The following UBTF variants were observed in gnomAD, a reference collection of about 807,000 sequenced individuals.
UBTF encodes the protein nucleolar transcription factor 1.
A neutral mutation model predicts 112.3 loss-of-function variants in UBTF; 8 were observed. That is an observed-to-expected ratio of 0.07 (90% CI 0.04 to 0.13). The LOEUF is 0.13. UBTF is among the 10% of genes least tolerant of loss of function. The pLI is 1.00. For synonymous variants in UBTF, 417 were observed against 373.1 expected, an observed-to-expected ratio of 1.12 and a Z score of -1.36; for missense variants, 457 against 982.1, an observed-to-expected ratio of 0.47 and a Z score of 7.15.
rs1403681994 is a variant in UBTF at position 44,205,080 on chromosome 17, C to A, written c.*2162G>T. On this transcript the variant is annotated 3_prime_UTR_variant, in exon 21 of 21. Transcript: ENST00000436088. ...ATTATACAAAAAAGGGAAAACAAAACTTCCACAGTTGGCTTTAAGCATAGG... is the reference window on the plus strand; with the variant it reads ...ATTATACAAAAAAGGGAAAACAAAAATTCCACAGTTGGCTTTAAGCATAGG... 3 of 152,666 alleles carry A rather than the reference C, an allele frequency of 2.0e-5. No homozygotes were observed. The highest frequency in any genetic ancestry group is 7.2e-5 in the African/African-American group (3 of 41,454). 9.5% of individuals were successfully genotyped at this position (152,666 alleles called of 1,614,324 possible). A position where few individuals can be genotyped will look rare whatever the true frequency, so the allele number is the denominator to read the frequency against.
rs57107684 is a variant in UBTF at position 44,208,092 on chromosome 17, A to ATTTTTT, written c.1906-187_1906-182dup. Reference sequence around the variant, plus strand: ...CCTGGGATCTGAGAACACAGCTCTAATTTTTTTTTTTTTTTTTTTTTTTTT... The same window carrying ATTTTTT: ...CCTGGGATCTGAGAACACAGCTCTAATTTTTTTTTTTTTTTTTTTTTTTTTTTTTTT... On this transcript the variant is annotated intron_variant, in intron 17 of 20. Coordinates refer to ENST00000436088, the MANE Select transcript of UBTF (RefSeq NM_014233.4). 3.1e-4 allele frequency among the ~76,000 whole-genome samples: 36 copies of ATTTTTT among 118,004 alleles called. 1 individual carries two copies. Among genetic ancestry groups the ATTTTTT allele is most frequent in the Non-Finnish European group, 5.6e-4 (32 of 57,268 alleles). The allele number at this position is 118,004 out of a possible 152,430, so 77.4% of individuals were successfully genotyped here.
In UBTF at chr17:44,207,857, G is replaced by T. The variant is rs2056362319; in HGVS notation, c.1953+7C>A. The T allele has an allele frequency of 6.2e-7, 1 of 1,613,930 alleles. No homozygotes were observed. The highest frequency in any genetic ancestry group is 8.5e-7 in the Non-Finnish European group (1 of 1,180,012). On this transcript the variant is annotated splice_region_variant and intron_variant, in intron 18 of 20. Transcript: ENST00000436088. ...CTACCCCACTGCTGCTCTGCTCCCA[G>T]ACTCACATTGGAGATGTACTCTTTA...
intron 14 of UBTF, 23 bp from the exon 15 acceptor site, chr17:44,210,257 G>C: frequency 6.2e-7 from 1 of 1,614,244 alleles, no homozygotes; most frequent in Middle Eastern, 1.6e-4. Context: ...AAGGGTATCA[G>C]CCGTGGGAGG....
At chr17:44,217,829 C>G (rs2046923712) in intron 2 of UBTF, among the ~76,000 whole-genome samples, 1 of 152,162 alleles carries the variant, frequency 6.6e-6, no homozygotes, top group South Asian at 2.1e-4. Context: ...AGAAGCCTTC[C>G]CCAACCCCTT....
Position 44,211,227 on chromosome 17 carries a change from C to T in UBTF, c.1089+63G>A. On this transcript the variant is annotated intron_variant, in intron 11 of 20. Coordinates refer to ENST00000436088, the MANE Select transcript of UBTF (RefSeq NM_014233.4). This position sits in a 1 kb window ranked among gnomAD's most constrained non-coding sequence, Gnocchi z 4.9. Reference sequence around the variant, plus strand: ...ATGGTGCCCTATCTCCAGGGGCTCACCAGGGCTCTGCCTGCCAAGTCCCAG... The same window carrying T: ...ATGGTGCCCTATCTCCAGGGGCTCATCAGGGCTCTGCCTGCCAAGTCCCAG... 1.9e-6 allele frequency: 3 copies of T among 1,613,884 alleles called. No homozygotes were observed. The highest frequency in any genetic ancestry group is 2.5e-6 in the Non-Finnish European group (3 of 1,179,870).
At chr17:44,212,281 AC>A in intron 8 of UBTF, 62 bp downstream of exon 8, 1 of 1,420,292 alleles carries the variant, frequency 7.0e-7, no homozygotes, top group Non-Finnish European at 9.9e-7. Context: ...TGCGGTGGCC[AC>A]GGAGTCGGAG....
At chr17:44,218,335 G>C (rs557234258) in intron 1 of UBTF, 39 bp from the exon 2 acceptor site, 5 of 1,288,738 alleles carry the variant, frequency 3.9e-6, no homozygotes, top group Non-Finnish European at 4.4e-6. Context: ...GGAAGGCTGA[G>C]AGGTGAACGA....
Position 44,211,814 on chromosome 17 carries a change from A to C in UBTF, c.905+59T>G, listed in dbSNP as rs1231352472. 4 of 1,601,338 alleles carry C rather than the reference A, an allele frequency of 2.5e-6. No individual in the cohort carries two copies. Among genetic ancestry groups the C allele is most frequent in the Non-Finnish European group, 3.4e-6 (4 of 1,174,956 alleles). On this transcript the variant is annotated intron_variant, in intron 9 of 20. Transcript: ENST00000436088. The surrounding 1 kb of genome is among the most constrained non-coding windows in gnomAD (Gnocchi z 4.9). ...CAGGGCAGCAGGCCTTCTCACCTGC[A>C]GAGCCCAGCCCAACTTCCCAGCTGC...
At chr17:44,220,308 G>T (rs955010917), upstream of UBTF, among the ~76,000 whole-genome samples, 1 of 151,894 alleles carries the variant, frequency 6.6e-6, no homozygotes, top group Non-Finnish European at 1.5e-5. Flanking sequence ...CTGCTCCGGA[G>T]CTCTCCCCCA....
chr17:44,214,343 C>T (rs576849539), intron 5 of UBTF, among the ~76,000 whole-genome samples: 1 of 152,356 alleles, frequency 6.6e-6, no homozygotes, highest in South Asian at 2.1e-4. Context: ...ACCACACAGA[C>T]CTGGCTCACC....
chr17:44,210,968 G>T (rs1398490189), intron 12 of UBTF, 21 bp from the exon 13 acceptor site: 2 of 1,600,888 alleles, frequency 1.2e-6, no homozygotes, highest in East Asian at 2.2e-5. Flanking sequence ...GCAGAGGGTC[G>T]GGGTCCGTGG....
chr17:44,209,873 TC>T, intron 15 of UBTF, 140 bp from the exon 16 acceptor site: 1 of 911,748 alleles, frequency 1.1e-6, no homozygotes, highest in East Asian at 2.6e-5. Context: ...GTGAGCAACT[TC>T]CTAACAGCTC....
chr17:44,214,101 TC>T (rs766139491), intron 5 of UBTF, among the ~76,000 whole-genome samples: 5 of 152,050 alleles, frequency 3.3e-5, no homozygotes, highest in Admixed American at 6.5e-5. Context: ...CTCTCTTGGC[TC>T]CCACACAATG....
intron 5 of UBTF, 58 bp from the exon 6 acceptor site, chr17:44,213,340 T>TA: frequency 6.4e-7 from 1 of 1,567,044 alleles, no homozygotes; most frequent in South Asian, 1.2e-5. Flanking sequence ...CCCTGAGCTA[T>TA]GAAGGCCACC....
chr17:44,211,855 T>A lies in UBTF; in HGVS notation c.905+18A>T. 6.2e-7 allele frequency: 1 copy of A among 1,611,216 alleles called. No homozygotes were observed. The highest frequency in any genetic ancestry group is 8.5e-7 in the Non-Finnish European group (1 of 1,179,238). On this transcript the variant is annotated intron_variant, in intron 9 of 20. Coordinates refer to ENST00000436088, the MANE Select transcript of UBTF (RefSeq NM_014233.4). The surrounding 1 kb of genome is among the most constrained non-coding windows in gnomAD (Gnocchi z 4.9). ...TCCCAGCTGCCCACTCGCCCACCCA[T>A]CCCAGGGCAGCGCTCACGGAGGTGG... is the stretch of plus-strand genomic sequence containing the variant.
At position 44,207,560 on chromosome 17, in the gene UBTF, T is replaced by C. The variant is rs771610122; in HGVS notation, c.2063A>G (p.Glu688Gly). ...EEDDEEDEDD[E>G]DEDEEEEDDE... Reference sequence around the variant, plus strand: ...ATCTTCCTCTTCTTCATCCTCGTCCTCGTCATCCTCATCCTCTTCATCATC... The same window carrying C: ...ATCTTCCTCTTCTTCATCCTCGTCCCCGTCATCCTCATCCTCTTCATCATC... Residue 688 changes from glutamate (E) to glycine (G), a missense_variant, in exon 20 of 21, where the codon GAG becomes GGG. Physicochemically the swap from Glu to Gly is moderately conservative, Grantham distance 98. Around this residue, in one of 7 missense-constraint regions of UBTF, gnomAD observed 139 missense variants for 157.5 expected, o/e 0.88. Transcript: ENST00000436088. The C allele has an allele frequency of 1.2e-6, 2 of 1,614,156 alleles. No homozygotes were observed. The highest frequency in any genetic ancestry group is 1.7e-6 in the Non-Finnish European group (2 of 1,180,016).
In UBTF at chr17:44,211,950, A is replaced by G; in HGVS notation, c.828T>C (p.Gly276=). 1 of 1,612,326 alleles carries G rather than the reference A, an allele frequency of 6.2e-7. No homozygotes were observed. The highest frequency in any genetic ancestry group is 2.2e-5 in the East Asian group (1 of 44,776). ...KHPELNISEE[G]ITKSTLTKAE... ...CCTTGGTGAGGGTGGACTTGGTGAT[A>G]CCCTCCTCACTGATGTTCAGCTCTG... Residue 276 remains glycine, a synonymous_variant, in exon 9 of 21, where the codon GGT becomes GGC. Coordinates refer to ENST00000436088, the MANE Select transcript of UBTF (RefSeq NM_014233.4). The surrounding 1 kb of genome is among the most constrained non-coding windows in gnomAD (Gnocchi z 4.9).
intron 8 of UBTF, 53 bp from the exon 9 acceptor site, chr17:44,212,059 G>T: frequency 6.3e-7 from 1 of 1,577,702 alleles, no homozygotes; most frequent in Non-Finnish European, 8.6e-7. Context: ...GTTAGCTAGG[G>T]CAGGGGCAGG....
chr17:44,216,153 G>A, intron 3 of UBTF, 164 bp from the exon 4 acceptor site: 1 of 661,180 alleles, frequency 1.5e-6, no homozygotes, highest in African/African-American at 1.8e-5. Flanking sequence ...ATGACACCCA[G>A]GCACTGGCCC....
Sources: gnomAD v4.1 joint callset for allele counts (sites outside exome capture counted in the v4.1 genomes callset) on GRCh38, gnomAD v4.1.1 for gene constraint, gnomAD v4.1.1 regional missense constraint, Gnocchi (gnomAD v3.1) non-coding constraint, MANE v1.5 for transcripts, NCBI Gene and HGNC (gene_info 2026-07-23, HGNC 2026-07-21) for gene names.